Variants in TEX11 observed in about 807,000 individuals in gnomAD.
TEX11 encodes testis-expressed protein 11.
A neutral mutation model predicts 84.4 loss-of-function variants in TEX11; 7 were observed. The ratio of observed to expected loss-of-function variants is 0.08; its 90% confidence interval spans 0.05 to 0.16. TEX11 has a LOEUF of 0.16. Ranked by LOEUF, TEX11 falls within the 10% of genes least tolerant of loss-of-function variation. The pLI, the probability that TEX11 is intolerant of heterozygous loss-of-function variation, is 1.00. For synonymous variants in TEX11, 264 were observed against 222.8 expected (o/e 1.18, Z -1.64); for missense variants, 551 against 660.5 (o/e 0.83, Z 1.82).
intron 4 of TEX11, among the ~76,000 whole-genome samples, chrX:70,866,574 C>T (rs4422919): frequency 0.095 from 10,506 of 111,008 alleles, 640 homozygotes; most frequent in Admixed American, 0.29. Flanking sequence ...GATACCAAAA[C>T]CTGGCAGAGA....
chrX:70,679,953 A>G (rs1162530186), intron 14 of TEX11, among the ~76,000 whole-genome samples: 1 of 87,796 alleles, frequency 1.1e-5, no homozygotes, highest in Non-Finnish European at 2.3e-5. Flanking sequence ...TCCGGGAGGG[A>G]GGTGGGGGGG....
chrX:70,702,179 A>G (rs1434915837), intron 13 of TEX11, among the ~76,000 whole-genome samples: 1 of 111,466 alleles, frequency 9.0e-6, no homozygotes, highest in African/African-American at 3.3e-5. Context: ...CTGCACAGAA[A>G]TATTTGATTA....
intron 28 of TEX11, among the ~76,000 whole-genome samples, chrX:70,546,749 T>C (rs2088131334): frequency 9.0e-6 from 1 of 110,791 alleles, no homozygotes; most frequent in African/African-American, 3.3e-5. Flanking sequence ...GGAATCCTCA[T>C]ACACCGCTAG....
At chrX:70,625,790 T>G (rs1247065625) in intron 18 of TEX11, among the ~76,000 whole-genome samples, 1 of 97,302 alleles carries the variant, frequency 1.0e-5, no homozygotes, top group East Asian at 3.0e-4. Flanking sequence ...TTTTTTTTTT[T>G]AAGATGGATT....
At chrX:70,840,708 C>T (rs1356085222) in intron 7 of TEX11, among the ~76,000 whole-genome samples, 2 of 110,240 alleles carry the variant, frequency 1.8e-5, no homozygotes, top group Non-Finnish European at 1.9e-5. Flanking sequence ...AGTCAAGACC[C>T]ATCAGTGTGC....
chrX:70,739,168 T>A (rs2090717510), intron 11 of TEX11, among the ~76,000 whole-genome samples: 1 of 111,641 alleles, frequency 9.0e-6, no homozygotes, highest in South Asian at 3.8e-4. Context: ...ATTAATTTTT[T>A]AATTTTAATG....
intron 14 of TEX11, among the ~76,000 whole-genome samples, chrX:70,680,227 T>C (rs1388989749): frequency 6.1e-3 from 475 of 77,644 alleles, no homozygotes; most frequent in African/African-American, 9.3e-3. Context: ...TTTCATTTTG[T>C]TCTGTACTAA....
intron 8 of TEX11, among the ~76,000 whole-genome samples, chrX:70,813,944 A>T (rs1437812661): frequency 8.9e-6 from 1 of 111,883 alleles, no homozygotes; most frequent in Non-Finnish European, 1.9e-5. Flanking sequence ...TCAGTGAAAC[A>T]TAAGAGGACA....
intron 9 of TEX11, among the ~76,000 whole-genome samples, chrX:70,771,962 A>T (rs1283813810): frequency 1.8e-5 from 2 of 111,691 alleles, no homozygotes; most frequent in Admixed American, 1.9e-4. Flanking sequence ...GACTGACCAC[A>T]TTAGCCTCAG....
chrX:70,901,312 A>C (rs1402110059), intron 2 of TEX11, among the ~76,000 whole-genome samples: 1 of 111,863 alleles, frequency 8.9e-6, no homozygotes, highest in Non-Finnish European at 1.9e-5. Flanking sequence ...TTATTATCTA[A>C]AGAGAAAAAT....
At chrX:70,697,654 A>G (rs1314527736) in intron 13 of TEX11, among the ~76,000 whole-genome samples, 1 of 112,088 alleles carries the variant, frequency 8.9e-6, no homozygotes, top group African/African-American at 3.2e-5. Context: ...TATTCCACAG[A>G]CATACAGCTC....
rs148440365 is a variant in TEX11, at chrX:70,651,322, A to G, written c.1483+128T>C. 613 of 412,150 alleles carry G rather than the reference A, an allele frequency of 1.5e-3. 6 individuals carry two copies. Among genetic ancestry groups the G allele is most frequent in the African/African-American group, 0.014 (556 of 39,590 alleles). 34.0% of individuals were successfully genotyped at this position (412,150 alleles called of 1,213,427 possible). A position where few individuals can be genotyped will look rare whatever the true frequency, so the allele number is the denominator to read the frequency against. On this transcript the variant is annotated intron_variant, in intron 17 of 29. Transcript: ENST00000374333. The stretch of plus-strand genomic sequence containing the variant: ...TTTTGCATTGTTGTATCACCTTTAC[A>G]TAGGAAAGACAGAACATATATTCAA...
At chrX:70,632,501 C>T (rs919616106) in intron 17 of TEX11, among the ~76,000 whole-genome samples, 1 of 110,550 alleles carries the variant, frequency 9.0e-6, no homozygotes, top group Non-Finnish European at 1.9e-5. Context: ...CCCAGCTACT[C>T]GGGAGGATGA....
chrX:70,584,114 C>T (rs553756909), intron 25 of TEX11, among the ~76,000 whole-genome samples: 1 of 105,937 alleles, frequency 9.4e-6, no homozygotes, highest in South Asian at 4.4e-4. Context: ...CCCGTCTCTA[C>T]TAAAAATACA....
At chrX:70,677,617 C>A (rs770052370) in intron 15 of TEX11, among the ~76,000 whole-genome samples, 1 of 110,548 alleles carries the variant, frequency 9.0e-6, no homozygotes, top group African/African-American at 3.3e-5. Flanking sequence ...AATGCCTAAT[C>A]TACGCTATGT....
At chrX:70,879,929 A>G in intron 3 of TEX11, 59 bp downstream of exon 3, 1 of 1,022,765 alleles carries the variant, frequency 9.8e-7, no homozygotes, top group Non-Finnish European at 1.3e-6. Flanking sequence ...TATATAATAC[A>G]TTGGTTAAAA....
chrX:70,704,829 T>TA lies in TEX11; in HGVS notation c.1004+17788dup, dbSNP rs1025323884. On this transcript the variant is annotated intron_variant, in intron 13 of 29. Transcript: ENST00000374333. Reference sequence around the variant, plus strand: ...ACTTATGGCTTTACTAGGAAATGTTTAAAAAAAAAAGATAGGTCCTTTAGA... The same window carrying TA: ...ACTTATGGCTTTACTAGGAAATGTTTAAAAAAAAAAAGATAGGTCCTTTAGA... 5.4e-3 allele frequency among the ~76,000 whole-genome samples: 589 copies of TA among 108,398 alleles called. 4 individuals carry two copies. Among genetic ancestry groups the TA allele is most frequent in the African/African-American group, 0.019 (567 of 30,017 alleles). The allele number at this position is 108,398 out of a possible 115,157, so 94.1% of individuals were successfully genotyped here. A position where few individuals can be genotyped will look rare whatever the true frequency, so the allele number is the denominator to read the frequency against.
At chrX:70,530,160 T>C (rs2087867673) in intron 28 of TEX11, among the ~76,000 whole-genome samples, 161 bp from the exon 29 acceptor site, 1 of 111,488 alleles carries the variant, frequency 9.0e-6, no homozygotes. Flanking sequence ...GAGAGCACTT[T>C]GAAGGTTTGT....
chrX:70,537,849 A>G (rs1217834348), intron 28 of TEX11, among the ~76,000 whole-genome samples: 1 of 111,848 alleles, frequency 8.9e-6, no homozygotes, highest in Non-Finnish European at 1.9e-5. Context: ...TGCCAAAGTC[A>G]CTTAGGATAA....
Sources: gnomAD v4.1 joint callset for allele counts (sites outside exome capture counted in the v4.1 genomes callset) on GRCh38, gnomAD v4.1.1 for gene constraint, MANE v1.5 for transcripts, NCBI Gene and HGNC (gene_info 2026-07-23, HGNC 2026-07-21) for gene names.